Variants in DTNB observed in about 807,000 individuals in gnomAD.
DTNB encodes dystrobrevin beta.
A neutral mutation model predicts 90.7 loss-of-function variants in DTNB; 63 were observed. That is an observed-to-expected ratio of 0.69 (90% CI 0.57 to 0.86). The LOEUF is 0.86. Among genes scored for constraint, DTNB ranks in the 40% least tolerant of loss-of-function variants. DTNB has a pLI of 0.00. For synonymous variants in DTNB, 277 were observed against 286.7 expected (o/e 0.97, Z 0.34); for missense variants, 744 against 807.1 (o/e 0.92, Z 0.95).
intron 12 of DTNB, among the ~76,000 whole-genome samples, chr2:25,437,792 GAT>G (rs1189699140): frequency 1.3e-5 from 2 of 152,182 alleles, no homozygotes; most frequent in African/African-American, 2.4e-5. Context: ...TTATTCAACA[GAT>G]ACTTCCTGAG....
At chr2:25,517,625 C>A (rs1422200523) in intron 9 of DTNB, among the ~76,000 whole-genome samples, 1 of 152,090 alleles carries the variant, frequency 6.6e-6, no homozygotes, top group African/African-American at 2.4e-5. Flanking sequence ...TATGAGGGTT[C>A]CTCGAATCCT....
At chr2:25,477,603 C>T (rs1010638061) in intron 10 of DTNB, among the ~76,000 whole-genome samples, 1 of 151,858 alleles carries the variant, frequency 6.6e-6, no homozygotes, top group African/African-American at 2.4e-5. Context: ...AACAACTGAA[C>T]AAAACAGAAT....
At chr2:25,455,326 A>T in intron 11 of DTNB, 79 bp downstream of exon 11, 1 of 1,364,824 alleles carries the variant, frequency 7.3e-7, no homozygotes, top group Non-Finnish European at 9.8e-7. Context: ...TTTTTTTTCC[A>T]GCTGACAACC....
intron 15 of DTNB, among the ~76,000 whole-genome samples, chr2:25,420,581 T>C (rs1574148855): frequency 6.6e-6 from 1 of 152,062 alleles, no homozygotes; most frequent in East Asian, 1.9e-4. Context: ...AATGGTGCGA[T>C]ATGGGCTCAC....
intron 2 of DTNB, among the ~76,000 whole-genome samples, chr2:25,640,336 G>A (rs962431725): frequency 1.3e-5 from 2 of 151,956 alleles, no homozygotes; most frequent in Admixed American, 1.3e-4. Flanking sequence ...AAATTATCTT[G>A]TATCAGTATT....
At chr2:25,599,940 T>TA (rs59477379) in intron 5 of DTNB, among the ~76,000 whole-genome samples, 72,392 of 151,056 alleles carry the variant, frequency 0.48, 17,677 homozygotes, top group Middle Eastern at 0.55. Flanking sequence ...CTACAAAAAA[T>TA]AAAAAAAATT....
At chr2:25,493,087 A>G (rs1324381933) in intron 9 of DTNB, among the ~76,000 whole-genome samples, 1 of 152,164 alleles carries the variant, frequency 6.6e-6, no homozygotes, top group African/African-American at 2.4e-5. Context: ...GTGTCCTGCA[A>G]TTCTCTTTTA....
At chr2:25,622,520 T>G (rs2073016909) in intron 4 of DTNB, among the ~76,000 whole-genome samples, 1 of 152,150 alleles carries the variant, frequency 6.6e-6, no homozygotes, top group African/African-American at 2.4e-5. Flanking sequence ...TAACATACCT[T>G]TATAATGGCC....
chr2:25,646,636 T>C (rs2148893682), intron 2 of DTNB, among the ~76,000 whole-genome samples: 1 of 152,360 alleles, frequency 6.6e-6, no homozygotes, highest in South Asian at 2.1e-4. Context: ...AATCAATTTT[T>C]AACCAGAATA....
At chr2:25,463,883 A>T (rs555599073) in intron 10 of DTNB, among the ~76,000 whole-genome samples, 1 of 152,218 alleles carries the variant, frequency 6.6e-6, no homozygotes, top group Non-Finnish European at 1.5e-5. Flanking sequence ...AGGCATGTGC[A>T]TATACGCATA....
At chr2:25,451,658 A>G in intron 11 of DTNB, 23 bp from the exon 12 acceptor site, 1 of 1,551,318 alleles carries the variant, frequency 6.4e-7, no homozygotes, top group Non-Finnish European at 8.7e-7. Context: ...TAAAAATGCA[A>G]CAAGTGTCTA....
At chr2:25,585,933 G>A (rs1450391705) in intron 6 of DTNB, among the ~76,000 whole-genome samples, 1 of 152,006 alleles carries the variant, frequency 6.6e-6, no homozygotes, top group East Asian at 1.9e-4. Context: ...ATTTATTTTG[G>A]ACTTTGAAAA....
chr2:25,529,458 G>C (rs2077737850), intron 9 of DTNB, among the ~76,000 whole-genome samples: 1 of 151,690 alleles, frequency 6.6e-6, no homozygotes, highest in Non-Finnish European at 1.5e-5. Flanking sequence ...TTGAGAGGCA[G>C]GCAAGGAAAA....
chr2:25,624,563 A>G (rs973345222), intron 4 of DTNB, among the ~76,000 whole-genome samples: 1 of 152,218 alleles, frequency 6.6e-6, no homozygotes, highest in Non-Finnish European at 1.5e-5. Context: ...TGGACCCCTC[A>G]GTTTGTCAGC....
intron 9 of DTNB, among the ~76,000 whole-genome samples, chr2:25,512,952 C>T (rs532937652): frequency 6.6e-6 from 1 of 152,304 alleles, no homozygotes; most frequent in South Asian, 2.1e-4. Context: ...GGAGTGCCTC[C>T]TTCATTCTAC....
At chr2:25,562,727 G>A (rs978732490) in intron 8 of DTNB, among the ~76,000 whole-genome samples, 12 of 151,866 alleles carry the variant, frequency 7.9e-5, no homozygotes, top group African/African-American at 2.9e-4. Context: ...ATCTTCTTTG[G>A]AGAAACACCC....
At chr2:25,466,118 A>G (rs1264135314) in intron 10 of DTNB, among the ~76,000 whole-genome samples, 2 of 152,214 alleles carry the variant, frequency 1.3e-5, no homozygotes, top group Non-Finnish European at 2.9e-5. Flanking sequence ...AGACCACCTG[A>G]GGTCAGGAGT....
At chr2:25,388,725 T>C (rs1032265711) in intron 16 of DTNB, 33 of 227,390 alleles carry the variant, frequency 1.5e-4, no homozygotes, top group Middle Eastern at 1.5e-3. Flanking sequence ...TCATTTTGTT[T>C]GCAAACACAT....
chr2:25,656,007 A>G (rs2081999294), intron 1 of DTNB, among the ~76,000 whole-genome samples: 1 of 152,210 alleles, frequency 6.6e-6, no homozygotes, highest in Non-Finnish European at 1.5e-5. Flanking sequence ...GAAAAAAATC[A>G]GTACCTGGCT....
Sources: allele counts gnomAD v4.1 joint callset (sites outside exome capture counted in the v4.1 genomes callset), GRCh38; gene constraint gnomAD v4.1.1; transcripts MANE v1.5; gene names NCBI Gene and HGNC (gene_info 2026-07-23, HGNC 2026-07-21).